The following PTPRD variants were observed in gnomAD, a reference collection of about 807,000 sequenced individuals.
The protein encoded by PTPRD is protein tyrosine phosphatase receptor type D, also known as receptor-type tyrosine-protein phosphatase delta.
In PTPRD, 34 loss-of-function variants were observed where a neutral mutation model predicts 214.5. The ratio of observed to expected loss-of-function variants is 0.16; its 90% CI spans 0.12 to 0.21. The LOEUF is 0.21. Ranked by LOEUF, PTPRD falls within the 10% of genes least tolerant of loss-of-function variation. PTPRD has a pLI of 1.00. For synonymous variants in PTPRD, 1,128 were observed against 845.7 expected (o/e 1.33, Z -5.79); for missense variants, 2,545 against 2,398.7 (o/e 1.06, Z -1.27).
chr9:10,462,998 C>A (rs1566220561), intron 2 of PTPRD, among the ~76,000 whole-genome samples: 1 of 149,936 alleles, frequency 6.7e-6, no homozygotes, highest in Non-Finnish European at 1.5e-5. Flanking sequence ...TATATATATG[C>A]CATACTCATT....
intron 10 of PTPRD, among the ~76,000 whole-genome samples, chr9:9,140,262 T>C (rs941334460): frequency 6.6e-6 from 1 of 152,040 alleles, no homozygotes; most frequent in East Asian, 1.9e-4. Context: ...CAAGACTAAA[T>C]GCAGTGTTTT....
chr9:10,432,884 G>T (rs1402308801), intron 2 of PTPRD, among the ~76,000 whole-genome samples: 1 of 151,790 alleles, frequency 6.6e-6, no homozygotes, highest in Non-Finnish European at 1.5e-5. Flanking sequence ...TTTGCTCATA[G>T]TGTCCAGTGT....
chr9:10,376,054 G>A (rs1194021316), intron 2 of PTPRD, among the ~76,000 whole-genome samples: 1 of 151,786 alleles, frequency 6.6e-6, no homozygotes, highest in Non-Finnish European at 1.5e-5. Context: ...TTACTGACTT[G>A]CCTATTCTGT....
intron 3 of PTPRD, among the ~76,000 whole-genome samples, chr9:10,047,247 G>A (rs947691043): frequency 1.3e-5 from 2 of 150,192 alleles, no homozygotes; most frequent in African/African-American, 4.9e-5. Flanking sequence ...ATTGATCTAG[G>A]ATTGTATCCT....
intron 43 of PTPRD, 81 bp from the exon 44 acceptor site, chr9:8,331,817 C>A: frequency 7.0e-7 from 1 of 1,429,432 alleles, no homozygotes; most frequent in East Asian, 2.4e-5. Flanking sequence ...CAAGAACAAT[C>A]ATTTTCATTT....
intron 10 of PTPRD, among the ~76,000 whole-genome samples, chr9:9,097,639 T>C (rs1203104930): frequency 6.6e-6 from 1 of 152,028 alleles, no homozygotes; most frequent in African/African-American, 2.4e-5. Flanking sequence ...CTCAATCTCT[T>C]GACCTCGTGA....
intron 8 of PTPRD, among the ~76,000 whole-genome samples, chr9:9,457,392 T>G (rs1208632161): frequency 6.6e-6 from 1 of 152,024 alleles, no homozygotes; most frequent in Admixed American, 6.6e-5. Flanking sequence ...CCTATTTGAC[T>G]AAGTATAAGA....
chr9:9,994,791 A>G (rs2096066576), intron 4 of PTPRD, among the ~76,000 whole-genome samples: 1 of 152,138 alleles, frequency 6.6e-6, no homozygotes, highest in African/African-American at 2.4e-5. Flanking sequence ...AAGGCAAACA[A>G]TAACTTTTTG....
chr9:9,829,104 ATGACTT>A (rs2053964795), intron 5 of PTPRD, among the ~76,000 whole-genome samples: 1 of 151,884 alleles, frequency 6.6e-6, no homozygotes, highest in Admixed American at 6.6e-5. Context: ...ACATTTATCT[ATGACTT>A]TGCTATTTAT....
chr9:8,436,319 T>C (rs2095346292), intron 35 of PTPRD, among the ~76,000 whole-genome samples: 1 of 146,112 alleles, frequency 6.8e-6, no homozygotes, highest in South Asian at 2.1e-4. Context: ...TATACAATTA[T>C]TGCCAATTAA....
chr9:10,031,466 C>T (rs755744553), intron 4 of PTPRD, among the ~76,000 whole-genome samples: 5 of 151,266 alleles, frequency 3.3e-5, no homozygotes, highest in African/African-American at 1.2e-4. Flanking sequence ...AGCCTCCCAG[C>T]CTACATCTTT....
intron 3 of PTPRD, among the ~76,000 whole-genome samples, chr9:10,112,071 T>G (rs753018678): frequency 3.1e-4 from 47 of 152,198 alleles, no homozygotes; most frequent in Non-Finnish European, 5.9e-4. Context: ...GGTAGGCCAA[T>G]GAATATCCAG....
At chr9:8,331,370 G>C (rs1840747699) in intron 44 of PTPRD, among the ~76,000 whole-genome samples, 1 of 151,154 alleles carries the variant, frequency 6.6e-6, no homozygotes, top group African/African-American at 2.4e-5. Context: ...TTTTTTGGGG[G>C]ATAAACATTT....
At chr9:9,212,473 G>A (rs557877225) in intron 9 of PTPRD, among the ~76,000 whole-genome samples, 4 of 151,946 alleles carry the variant, frequency 2.6e-5, no homozygotes, top group Non-Finnish European at 4.4e-5. Flanking sequence ...TGATTTTAAC[G>A]CTATTAATTG....
chr9:10,027,028 C>T (rs2096936142), intron 4 of PTPRD, among the ~76,000 whole-genome samples: 1 of 152,122 alleles, frequency 6.6e-6, no homozygotes, highest in Non-Finnish European at 1.5e-5. Flanking sequence ...TAAAGCATTT[C>T]TCTAGAGACT....
At chr9:9,837,716 T>G (rs558175552) in intron 5 of PTPRD, among the ~76,000 whole-genome samples, 1 of 152,254 alleles carries the variant, frequency 6.6e-6, no homozygotes, top group African/African-American at 2.4e-5. Flanking sequence ...CAGACTGGTA[T>G]GACTTTGGCT....
intron 4 of PTPRD, among the ~76,000 whole-genome samples, chr9:9,956,561 T>G (rs906656040): frequency 7.2e-5 from 11 of 152,236 alleles, no homozygotes; most frequent in Middle Eastern, 6.8e-3. Context: ...GATACATATG[T>G]TTTGTTATGT....
At chr9:10,136,577 A>T (rs989912411) in intron 3 of PTPRD, among the ~76,000 whole-genome samples, 1 of 139,024 alleles carries the variant, frequency 7.2e-6, no homozygotes, top group Non-Finnish European at 1.5e-5. Flanking sequence ...TTAAACGTTA[A>T]ACCTAAAACC....
chr9:9,424,987 C>T (rs1279233092), intron 8 of PTPRD, among the ~76,000 whole-genome samples: 11 of 152,106 alleles, frequency 7.2e-5, no homozygotes, highest in African/African-American at 2.4e-4. Context: ...CTTGCTTTGA[C>T]CGGTAGATTT....
Sources: gnomAD v4.1 joint callset for allele counts (sites outside exome capture counted in the v4.1 genomes callset) on GRCh38, gnomAD v4.1.1 for gene constraint, MANE v1.5 for transcripts, NCBI Gene and HGNC (gene_info 2026-07-23, HGNC 2026-07-21) for gene names.